The following FMNL2 variants were observed in gnomAD, a reference collection of about 807,000 sequenced individuals.
FMNL2 encodes the protein formin-like protein 2.
Under a neutral mutation model 130.2 loss-of-function variants are expected in FMNL2, and 51 were observed. The ratio of observed to expected loss-of-function variants is 0.39; its 90% CI spans 0.31 to 0.49. The LOEUF (loss-of-function observed/expected upper bound fraction) is 0.49. Among genes scored for constraint, FMNL2 ranks in the 20% least tolerant of loss-of-function variants. The pLI is 0.85. For missense variants in FMNL2, 977 were observed against 1,316.2 expected (o/e 0.74, Z 3.99); for synonymous variants, 465 against 467.1 (o/e 1.00, Z 0.06).
intron 1 of FMNL2, among the ~76,000 whole-genome samples, chr2:152,493,650 A>G (rs1291680382): frequency 6.6e-6 from 1 of 152,182 alleles, no homozygotes; most frequent in Non-Finnish European, 1.5e-5. Context: ...ATGTTTGTTA[A>G]AAGAGCCTGG....
intron 2 of FMNL2, among the ~76,000 whole-genome samples, chr2:152,532,265 A>G (rs2346181): frequency 0.77 from 117,746 of 152,054 alleles, 47,144 homozygotes; most frequent in Non-Finnish European, 0.9. Flanking sequence ...TAATATCTAA[A>G]ATTACTTTGA....
At chr2:152,437,572 C>CT (rs987903358) in intron 1 of FMNL2, among the ~76,000 whole-genome samples, 55 of 152,000 alleles carry the variant, frequency 3.6e-4, no homozygotes, top group African/African-American at 9.9e-4. Context: ...TTTAGTGCTG[C>CT]TTTTTTTTGG....
At chr2:152,637,237 CA>C (rs1329613257) in intron 22 of FMNL2, among the ~76,000 whole-genome samples, 7 of 152,180 alleles carry the variant, frequency 4.6e-5, no homozygotes, top group Admixed American at 4.6e-4. Context: ...GGGGTTCTGC[CA>C]CGGCCTTTGG....
At chr2:152,548,910 C>A in intron 3 of FMNL2, 111 bp from the exon 4 acceptor site, 2 of 837,776 alleles carry the variant, frequency 2.4e-6, no homozygotes, top group South Asian at 4.7e-5. Context: ...TGAGGGAAGC[C>A]CATTTTAGAA....
chr2:152,377,725 C>T (rs78920348), intron 1 of FMNL2, among the ~76,000 whole-genome samples: 8,009 of 152,232 alleles, frequency 0.053, 361 homozygotes, highest in African/African-American at 0.12. Flanking sequence ...ATGAATCTGT[C>T]TGTGGCTAGA....
At chr2:152,506,174 T>C (rs1177739202) in intron 1 of FMNL2, among the ~76,000 whole-genome samples, 1 of 152,172 alleles carries the variant, frequency 6.6e-6, no homozygotes, top group Non-Finnish European at 1.5e-5. Context: ...AGTTGAAAAA[T>C]TTGTGCATTT....
intron 1 of FMNL2, among the ~76,000 whole-genome samples, chr2:152,340,685 GT>G (rs1028523980): frequency 2.0e-5 from 3 of 151,776 alleles, no homozygotes; most frequent in Admixed American, 2.0e-4. Flanking sequence ...TCAAGTTGTT[GT>G]TTTTTTTGTT....
Position 152,628,499 on chromosome 2 carries a change from G to A in FMNL2, c.2366G>A (p.Gly789Glu), listed in dbSNP as rs201111736. 2 of 1,613,980 alleles carry A rather than the reference G, an allele frequency of 1.2e-6. No homozygotes were observed. Among genetic ancestry groups the A allele is most frequent in the Admixed American group, 1.7e-5 (1 of 60,028 alleles). ...MQKMTIMAFI[G>E]NFAESIQMLT... Reference sequence around the variant, plus strand: ...AAGATGACCATCATGGCCTTCATTGGGAACTTTGCTGAAAGCATTCAGATG... The same window carrying A: ...AAGATGACCATCATGGCCTTCATTGAGAACTTTGCTGAAAGCATTCAGATG... The change falls in exon 18 of 26, where the codon GGG becomes GAG. Residue 789 changes from glycine to glutamate, a missense_variant. By Grantham distance (98) the Gly-to-Glu change is moderately conservative. Transcript: ENST00000288670.
chr2:152,524,473 T>A lies in FMNL2; in HGVS notation c.201+2447T>A, dbSNP rs1456913052. ...GTGCTGGATTTTGGGTGCAGTGAGG[T>A]GTATCCCAGCGTACCCATTTCTGTG... On this transcript the variant is annotated intron_variant, in intron 2 of 25. Coordinates refer to ENST00000288670, the MANE Select transcript of FMNL2 (RefSeq NM_052905.4). Among the ~76,000 whole-genome samples, 3 of 152,122 alleles carry A rather than the reference T, an allele frequency of 2.0e-5. No individual in the cohort carries two copies. In the East Asian group the frequency reaches 5.8e-4, roughly 29 times the overall value.
rs544356411 is a variant in FMNL2, at chr2:152,490,087, C to G, written c.118-31856C>G. ...TCTCTGTAATATAGAAAAACAGATG[C>G]TGCATCTCTAGTTTTGCCTGTGCCT... On this transcript the variant is annotated intron_variant, in intron 1 of 25. Transcript: ENST00000288670. Among the ~76,000 whole-genome samples, 31 of 152,236 alleles carry G rather than the reference C, an allele frequency of 2.0e-4. No homozygotes were observed. In the South Asian group the frequency reaches 6.4e-3, roughly 32 times the overall value.
intron 25 of FMNL2, 51 bp downstream of exon 25, chr2:152,640,965 T>A: frequency 6.2e-7 from 1 of 1,604,022 alleles, no homozygotes; most frequent in Middle Eastern, 1.7e-4. Flanking sequence ...TGGCCTCACC[T>A]AGACTGGGAT....
chr2:152,359,332 A>T (rs1683024667), intron 1 of FMNL2, among the ~76,000 whole-genome samples: 1 of 152,180 alleles, frequency 6.6e-6, no homozygotes. Flanking sequence ...TTAGGTGCAG[A>T]GTTTGAGCAA....
chr2:152,355,976 A>G (rs1044932187), intron 1 of FMNL2, among the ~76,000 whole-genome samples: 1 of 152,204 alleles, frequency 6.6e-6, no homozygotes. Flanking sequence ...AATTACCCCG[A>G]ATTGGCACAT....
intron 7 of FMNL2, among the ~76,000 whole-genome samples, chr2:152,577,079 G>T (rs1317433844): frequency 6.6e-6 from 1 of 152,170 alleles, no homozygotes; most frequent in African/African-American, 2.4e-5. Context: ...AAGGCAAGAG[G>T]GGGTAGACCA....
At chr2:152,448,117 G>A (rs933322443) in intron 1 of FMNL2, among the ~76,000 whole-genome samples, 5 of 151,594 alleles carry the variant, frequency 3.3e-5, no homozygotes, top group Admixed American at 1.3e-4. Context: ...CATTGAATTC[G>A]TCAAAACATA....
intron 1 of FMNL2, among the ~76,000 whole-genome samples, chr2:152,406,133 A>T (rs1238806264): frequency 7.3e-6 from 1 of 136,162 alleles, no homozygotes; most frequent in African/African-American, 2.9e-5. Flanking sequence ...CTATGTCTAT[A>T]AGTGTATGCT....
intron 2 of FMNL2, among the ~76,000 whole-genome samples, chr2:152,524,044 A>G (rs1579877463): frequency 6.6e-6 from 1 of 152,202 alleles, no homozygotes; most frequent in East Asian, 1.9e-4. Context: ...ACCTTCCTCT[A>G]CCTGTCAGTG....
At chr2:152,578,843 T>C in intron 7 of FMNL2, 45 bp from the exon 8 acceptor site, 1 of 1,528,384 alleles carries the variant, frequency 6.5e-7, no homozygotes, top group Non-Finnish European at 8.9e-7. Context: ...CCCTAACTTG[T>C]CTCCCAATGC....
chr2:152,499,197 A>G lies in FMNL2; in HGVS notation c.118-22746A>G, dbSNP rs546899437. ...TTGATGAGAAGGCAGATTCTAGAGG[A>G]TCAATATTTCGAACCTCCTTTTAAG... On this transcript the variant is annotated intron_variant, in intron 1 of 25. Coordinates refer to ENST00000288670, the MANE Select transcript of FMNL2 (RefSeq NM_052905.4). Among the ~76,000 whole-genome samples the G allele has an allele frequency of 3.9e-5, 6 of 152,306 alleles. No homozygotes were observed. In the East Asian group the frequency reaches 1.2e-3, roughly 29 times the overall value.
Sources: allele counts gnomAD v4.1 joint callset (sites outside exome capture counted in the v4.1 genomes callset), GRCh38; gene constraint gnomAD v4.1.1; transcripts MANE v1.5; gene names NCBI Gene and HGNC (gene_info 2026-07-23, HGNC 2026-07-21).